MYO5A: variants seen among roughly 807,000 people sequenced by gnomAD.
The protein encoded by MYO5A is unconventional myosin-Va.
In MYO5A, 98 loss-of-function variants were observed where a neutral mutation model predicts 249.7. The ratio of observed to expected loss-of-function variants is 0.39; its 90% CI spans 0.33 to 0.46. The LOEUF is 0.46. MYO5A is among the 20% of genes least tolerant of loss of function. The probability of loss-of-function intolerance (pLI) is 0.98; values close to 1 mark genes in which losing one functional copy is unlikely to be tolerated. For synonymous variants in MYO5A, 778 were observed against 810.6 expected (o/e 0.96, Z 0.68); for missense variants, 1,696 against 2,308.8 (o/e 0.73, Z 5.44).
At chr15:52,316,608 G>C (rs1353779486) in intron 40 of MYO5A, among the ~76,000 whole-genome samples, 1 of 152,144 alleles carries the variant, frequency 6.6e-6, no homozygotes, top group African/African-American at 2.4e-5. Context: ...TTGAGATGGA[G>C]GCTTAATTAA....
intron 31 of MYO5A, among the ~76,000 whole-genome samples, chr15:52,341,318 C>T (rs1304143591): frequency 5.9e-5 from 9 of 152,192 alleles, no homozygotes; most frequent in Admixed American, 2.6e-4. Context: ...CTTCTCTCTC[C>T]GCATAAACTT....
At chr15:52,422,060 G>C (rs2043818018) in intron 4 of MYO5A, among the ~76,000 whole-genome samples, 1 of 152,228 alleles carries the variant, frequency 6.6e-6, no homozygotes, top group East Asian at 1.9e-4. Flanking sequence ...CCTAGTTACA[G>C]CATGAGAAAA....
intron 22 of MYO5A, among the ~76,000 whole-genome samples, chr15:52,367,518 T>A (rs2040869265): frequency 6.6e-6 from 1 of 152,180 alleles, no homozygotes; most frequent in Admixed American, 6.5e-5. Context: ...TGCCTGGCAC[T>A]AAGTCAGCAT....
At chr15:52,479,952 GA>G (rs200904013) in intron 1 of MYO5A, among the ~76,000 whole-genome samples, 22,644 of 152,142 alleles carry the variant, frequency 0.15, 1,793 homozygotes, top group Middle Eastern at 0.22. Flanking sequence ...TTCCTGAAGA[GA>G]TATGAACTGA....
intron 1 of MYO5A, among the ~76,000 whole-genome samples, chr15:52,441,470 A>T (rs995155436): frequency 1.2e-4 from 19 of 152,188 alleles, no homozygotes; most frequent in African/African-American, 4.6e-4. Context: ...TAAACATTTC[A>T]TCCTGCTCCC....
intron 3 of MYO5A, among the ~76,000 whole-genome samples, chr15:52,427,802 G>T (rs184771227): frequency 6.2e-4 from 94 of 151,880 alleles, no homozygotes; most frequent in African/African-American, 2.2e-3. Context: ...TAAAAGATAA[G>T]AACAAACTGG....
At chr15:52,485,557 G>T (rs1392993481) in intron 1 of MYO5A, among the ~76,000 whole-genome samples, 1 of 151,962 alleles carries the variant, frequency 6.6e-6, no homozygotes. Flanking sequence ...TTATTAAAAT[G>T]AAATAAAAAC....
In MYO5A at chr15:52,353,760, C is replaced by G. The variant is rs555547537; in HGVS notation, c.3568-102G>C. On this transcript the variant is annotated intron_variant, in intron 26 of 41. Coordinates refer to ENST00000399233, the MANE Select transcript of MYO5A (RefSeq NM_001382347.1). ...AGTGAAGAGAGTTTAGCCCTCACTA[C>G]TTTAACCAAGTGGTGCTTGGATAGG... 4.4e-6 allele frequency: 7 copies of G among 1,598,650 alleles called. No individual in the cohort carries two copies. The Admixed American group carries it at 5.0e-5, about 11-fold the overall frequency.
At chr15:52,400,042 C>A (rs1312038217) in intron 9 of MYO5A, among the ~76,000 whole-genome samples, 1 of 152,118 alleles carries the variant, frequency 6.6e-6, no homozygotes, top group Non-Finnish European at 1.5e-5. Flanking sequence ...TTTAACCAGT[C>A]TAACAATCTA....
intron 1 of MYO5A, among the ~76,000 whole-genome samples, chr15:52,477,104 T>C (rs2076611903): frequency 6.6e-6 from 1 of 152,252 alleles, no homozygotes; most frequent in Non-Finnish European, 1.5e-5. Context: ...TTTACTCTTT[T>C]TTCTCTAAAC....
At position 52,397,419 on chromosome 15, in the gene MYO5A, G is replaced by A. The variant is rs201398376; in HGVS notation, c.1101C>T (p.Asp367=). The A allele has an allele frequency of 1.0e-4, 167 of 1,613,898 alleles. No individual in the cohort carries two copies. Among genetic ancestry groups the A allele is most frequent in the Admixed American group, 8.3e-5 (5 of 59,996 alleles). ...AGAGCCAGTGACACATCTCCTCATA[G>A]TCCACACCCATGAGTTCACAGAAGA... ...LCIFCELMGV[D]YEEMCHWLCH... The change falls in exon 10 of 42, where the codon GAC becomes GAT. Residue 367 remains aspartate (D), a synonymous_variant. Coordinates refer to ENST00000399233, the MANE Select transcript of MYO5A (RefSeq NM_001382347.1).
intron 23 of MYO5A, 109 bp from the exon 24 acceptor site, chr15:52,364,811 A>G: frequency 4.0e-6 from 5 of 1,245,676 alleles, no homozygotes; most frequent in South Asian, 2.5e-5. Flanking sequence ...TACTTTTAGT[A>G]TCACTGTGAT....
At chr15:52,494,024 C>T (rs2076988182) in intron 1 of MYO5A, among the ~76,000 whole-genome samples, 1 of 152,130 alleles carries the variant, frequency 6.6e-6, no homozygotes, top group Non-Finnish European at 1.5e-5. Context: ...CCTGGCCCCT[C>T]GCTCCAACAC....
At chr15:52,396,685 C>A (rs1301091300) in intron 10 of MYO5A, among the ~76,000 whole-genome samples, 5 of 152,114 alleles carry the variant, frequency 3.3e-5, no homozygotes. Context: ...CATTCACCCC[C>A]AAGTGGGGAA....
chr15:52,339,523 G>T (rs1322238945), intron 32 of MYO5A, among the ~76,000 whole-genome samples: 2 of 122,998 alleles, frequency 1.6e-5, no homozygotes, highest in South Asian at 5.0e-4. Flanking sequence ...TTTGGCAAAA[G>T]AAAAAAAAAA....
intron 1 of MYO5A, among the ~76,000 whole-genome samples, chr15:52,462,831 G>A (rs1567149948): frequency 6.6e-6 from 1 of 150,664 alleles, no homozygotes; most frequent in Admixed American, 6.6e-5. Flanking sequence ...CTGGGCGACA[G>A]CGAGAATCCG....
intron 1 of MYO5A, among the ~76,000 whole-genome samples, chr15:52,473,861 T>A (rs915851468): frequency 6.6e-6 from 1 of 152,226 alleles, no homozygotes; most frequent in African/African-American, 2.4e-5. Flanking sequence ...CGTAGGATTG[T>A]CTTGGCAATG....
At chr15:52,329,780 C>A (rs2038784432) in intron 35 of MYO5A, among the ~76,000 whole-genome samples, 1 of 151,856 alleles carries the variant, frequency 6.6e-6, no homozygotes, top group Non-Finnish European at 1.5e-5. Context: ...GCTGTGTAGC[C>A]CAGGGTGGAG....
At chr15:52,448,460 C>T (rs2075942048) in intron 1 of MYO5A, among the ~76,000 whole-genome samples, 1 of 152,170 alleles carries the variant, frequency 6.6e-6, no homozygotes, top group South Asian at 2.1e-4. Context: ...GCAAAAGGGA[C>T]TAGCCTTGTC....
Sources: gnomAD v4.1 joint callset for allele counts (sites outside exome capture counted in the v4.1 genomes callset) on GRCh38, gnomAD v4.1.1 for gene constraint, MANE v1.5 for transcripts, NCBI Gene and HGNC (gene_info 2026-07-23, HGNC 2026-07-21) for gene names.